The following ARHGAP35 variants were observed in gnomAD, a reference collection of about 807,000 sequenced individuals.
The protein encoded by ARHGAP35 is rho GTPase-activating protein 35.
In ARHGAP35, 15 loss-of-function variants were observed where a neutral mutation model predicts 111.1. That is an observed-to-expected ratio of 0.13 (90% CI 0.09 to 0.21). The LOEUF (loss-of-function observed/expected upper bound fraction) is 0.21. Among genes scored for constraint, ARHGAP35 ranks in the 10% least tolerant of loss-of-function variants. ARHGAP35 has a pLI of 1.00. For synonymous variants in ARHGAP35, 643 were observed against 710.3 expected, an observed-to-expected ratio of 0.91 and a Z score of 1.51; for missense variants, 1,262 against 1,873.0, an observed-to-expected ratio of 0.67 and a Z score of 6.02.
chr19:46,924,963 T>G (rs1451163343), intron 2 of ARHGAP35, among the ~76,000 whole-genome samples: 6 of 152,236 alleles, frequency 3.9e-5, no homozygotes, highest in Non-Finnish European at 8.8e-5. Context: ...AGAAAACAGC[T>G]GATCACAGTG....
intron 1 of ARHGAP35, among the ~76,000 whole-genome samples, chr19:46,868,400 A>G (rs983714444): frequency 1.9e-4 from 29 of 152,230 alleles, no homozygotes; most frequent in African/African-American, 7.0e-4. Flanking sequence ...GAAGGGAAGT[A>G]AATGTTGAAT....
Position 46,919,367 on chromosome 19 carries a change from G to C in ARHGAP35, c.692G>C (p.Arg231Thr). 6.2e-7 allele frequency: 1 copy of C among 1,613,966 alleles called. No individual in the cohort carries two copies. Among genetic ancestry groups the C allele is most frequent in the Non-Finnish European group, 8.5e-7 (1 of 1,179,888 alleles). The change falls in exon 2 of 7, where the codon AGA (arginine) becomes ACA (threonine). Residue 231 changes from arginine to threonine, a missense_variant. Around this residue, in one of 8 missense-constraint regions of ARHGAP35, gnomAD observed 125 missense variants for 301.7 expected, o/e 0.41. Transcript: ENST00000672722. This position sits in a 1 kb window ranked among gnomAD's most constrained non-coding sequence, Gnocchi z 6.2. ...KNLQVVETSA[R>T]SNVNVDLAFS... Reference sequence around the variant, plus strand: ...CTCCAGGTTGTGGAGACCTCAGCGAGATCCAATGTAAACGTGGACTTGGCT... The same window carrying C: ...CTCCAGGTTGTGGAGACCTCAGCGACATCCAATGTAAACGTGGACTTGGCT...
chr19:46,920,808 A>C lies in ARHGAP35; in HGVS notation c.2133A>C (p.Gly711=). 3 of 1,611,424 alleles carry C rather than the reference A, an allele frequency of 1.9e-6. No homozygotes were observed. Among genetic ancestry groups the C allele is most frequent in the Non-Finnish European group, 2.5e-6 (3 of 1,178,566 alleles). ...TTAACAAGAGAGGAGACACCAGTGG[A>C]GAGACTCTGCATAGCTTAATACAGC... The part of the protein sequence containing the change: ...ILVNKRGDTS[G]ETLHSLIQQG... The change falls in exon 2 of 7, where the codon GGA becomes GGC. Residue 711 remains glycine (G), a synonymous_variant. Coordinates refer to ENST00000672722, the MANE Select transcript of ARHGAP35 (RefSeq NM_004491.5). This position sits in a 1 kb window ranked among gnomAD's most constrained non-coding sequence, Gnocchi z 7.0.
intron 1 of ARHGAP35, among the ~76,000 whole-genome samples, chr19:46,863,672 C>A (rs1028373479): frequency 2.0e-5 from 3 of 152,052 alleles, no homozygotes; most frequent in Admixed American, 6.6e-5. Flanking sequence ...GCCCCTCCCC[C>A]CCAGCTAACA....
intron 3 of ARHGAP35, among the ~76,000 whole-genome samples, chr19:46,979,493 T>C (rs2056608792): frequency 6.6e-6 from 1 of 152,324 alleles, no homozygotes; most frequent in East Asian, 1.9e-4. Context: ...ATATGCATTT[T>C]CTTGAAAGTC....
intron 3 of ARHGAP35, among the ~76,000 whole-genome samples, chr19:46,979,721 T>A (rs796944995): frequency 2.6e-5 from 4 of 152,278 alleles, no homozygotes; most frequent in African/African-American, 9.6e-5. Flanking sequence ...CGGGAATGTA[T>A]AAAGCCACAG....
intron 3 of ARHGAP35, among the ~76,000 whole-genome samples, chr19:46,941,977 T>A (rs1410845367): frequency 6.7e-6 from 1 of 150,366 alleles, no homozygotes; most frequent in Non-Finnish European, 1.5e-5. Context: ...AAAATGACCA[T>A]ATATTTCCCC....
At chr19:46,910,210 T>TCAAG (rs1310633781) in intron 1 of ARHGAP35, among the ~76,000 whole-genome samples, 1 of 152,156 alleles carries the variant, frequency 6.6e-6, no homozygotes, top group Non-Finnish European at 1.5e-5. Flanking sequence ...ACTTCTGGGC[T>TCAAG]CAAGCGATCC....
At chr19:46,977,459 T>G (rs1399393652) in intron 3 of ARHGAP35, among the ~76,000 whole-genome samples, 1 of 152,184 alleles carries the variant, frequency 6.6e-6, no homozygotes, top group Admixed American at 6.5e-5. Context: ...TGAGTCGCCT[T>G]CCTCCCTCTC....
intron 1 of ARHGAP35, among the ~76,000 whole-genome samples, chr19:46,907,010 T>C (rs2056111936): frequency 6.6e-6 from 1 of 152,122 alleles, no homozygotes; most frequent in African/African-American, 2.4e-5. Flanking sequence ...GATCACTTGA[T>C]CCTGGGGAGG....
chr19:46,898,272 C>G (rs1483804716), intron 1 of ARHGAP35, among the ~76,000 whole-genome samples: 1 of 151,406 alleles, frequency 6.6e-6, no homozygotes, highest in Non-Finnish European at 1.5e-5. Flanking sequence ...GAAGTGCCCT[C>G]TGTGTGTAAG....
At chr19:46,894,727 C>T (rs763618363) in intron 1 of ARHGAP35, among the ~76,000 whole-genome samples, 11 of 152,010 alleles carry the variant, frequency 7.2e-5, no homozygotes, top group Admixed American at 1.3e-4. Flanking sequence ...ATTACAGGTG[C>T]AAGCCACCAC....
chr19:46,882,584 A>G (rs1451013688), intron 1 of ARHGAP35, among the ~76,000 whole-genome samples: 2 of 152,178 alleles, frequency 1.3e-5, no homozygotes, highest in Admixed American at 6.5e-5. Context: ...TGCTGCACCT[A>G]TCGACCTGTC....
chr19:46,876,059 CT>C (rs2055917718), intron 1 of ARHGAP35, among the ~76,000 whole-genome samples: 1 of 152,118 alleles, frequency 6.6e-6, no homozygotes, highest in African/African-American at 2.4e-5. Flanking sequence ...CGACAAGGCC[CT>C]TTAAACTCTT....
intron 1 of ARHGAP35, among the ~76,000 whole-genome samples, chr19:46,909,107 C>G (rs2056125110): frequency 6.6e-6 from 1 of 152,044 alleles, no homozygotes; most frequent in African/African-American, 2.4e-5. Context: ...CAAGACCACC[C>G]TGGGTAACAT....
intron 5 of ARHGAP35, among the ~76,000 whole-genome samples, chr19:46,991,690 G>T (rs1348445897): frequency 1.3e-5 from 2 of 152,218 alleles, no homozygotes; most frequent in Non-Finnish European, 2.9e-5. Flanking sequence ...CCCGGCCATA[G>T]CAGTTGACTG....
chr19:46,882,802 T>C (rs1334065145), intron 1 of ARHGAP35, among the ~76,000 whole-genome samples: 2 of 152,204 alleles, frequency 1.3e-5, no homozygotes, highest in Non-Finnish European at 2.9e-5. Context: ...GGCTTCCAGC[T>C]TCATCCATGT....
intron 3 of ARHGAP35, among the ~76,000 whole-genome samples, chr19:46,941,123 T>A (rs1369647005): frequency 6.6e-6 from 1 of 152,246 alleles, no homozygotes; most frequent in Non-Finnish European, 1.5e-5. Context: ...GTATTAATTT[T>A]AAAATTGTTC....
At chr19:46,946,160 C>T (rs1205052023) in intron 3 of ARHGAP35, among the ~76,000 whole-genome samples, 1 of 152,260 alleles carries the variant, frequency 6.6e-6, no homozygotes, top group African/African-American at 2.4e-5. Flanking sequence ...GGTGTTCCCT[C>T]ACCCCGCTTT....
Sources: gnomAD v4.1 joint callset for allele counts (sites outside exome capture counted in the v4.1 genomes callset) on GRCh38, gnomAD v4.1.1 for gene constraint, gnomAD v4.1.1 regional missense constraint, Gnocchi (gnomAD v3.1) non-coding constraint, MANE v1.5 for transcripts, NCBI Gene and HGNC (gene_info 2026-07-23, HGNC 2026-07-21) for gene names.